The following LRRC53 variants were observed in gnomAD, a reference collection of about 807,000 sequenced individuals.
LRRC53 encodes leucine-rich repeat-containing protein 53.
LRRC53 carries 25 observed loss-of-function variants against 13.6 expected under a neutral mutation model. The ratio of observed to expected loss-of-function variants is 1.83; its 90% CI spans 1.34 to 2.56. The LOEUF is 2.56. LRRC53 is among the 30% of genes most tolerant of loss of function. LRRC53 has a pLI of 0.00. For synonymous variants in LRRC53, 204 were observed against 109.8 expected (o/e 1.86, Z -5.37); for missense variants, 527 against 275.8 (o/e 1.91, Z -6.45).
chr1:74,476,129 C>T (rs577801909), intron 3 of LRRC53, among the ~76,000 whole-genome samples: 3 of 152,234 alleles, frequency 2.0e-5, no homozygotes, highest in East Asian at 1.9e-4. Flanking sequence ...ATTATTTTTT[C>T]GGTCTACGTC....
At chr1:74,498,465 T>G (rs1356530148) in intron 1 of LRRC53, among the ~76,000 whole-genome samples, 1 of 152,196 alleles carries the variant, frequency 6.6e-6, no homozygotes, top group Non-Finnish European at 1.5e-5. Context: ...AAACAGAAAT[T>G]CTCTTCTTTT....
In LRRC53 at chr1:74,480,803, G is replaced by A; in HGVS notation, c.254C>T (p.Thr85Ile). The A allele has an allele frequency of 1.4e-6, 1 of 717,576 alleles. No individual in the cohort carries two copies. The highest frequency in any genetic ancestry group is 1.5e-5 in the South Asian group (1 of 67,596). 44.5% of individuals were successfully genotyped at this position (717,576 alleles called of 1,614,324 possible). A position where few individuals can be genotyped will look rare whatever the true frequency, so the allele number is the denominator to read the frequency against. Reference sequence around the variant, plus strand: ...TATTTGGTTGTGCTCCAGCAACAAGGTCCGCAACATCGTAAGCCCATGCAG... The same window carrying A: ...TATTTGGTTGTGCTCCAGCAACAAGATCCGCAACATCGTAAGCCCATGCAG... ...DALHGLTMLRTLLLEHNQISS... is the reference protein window; with the variant it reads ...DALHGLTMLRILLLEHNQISS... Residue 85 changes from threonine to isoleucine, a missense_variant, in exon 3 of 5, where the codon ACC becomes ATC. By Grantham distance (89) the Thr-to-Ile change is moderately conservative (BLOSUM62 -1). Transcript: ENST00000294635.
chr1:74,522,731 A>C, the LRRC53 span, among the ~76,000 whole-genome samples: 5 of 152,122 alleles, frequency 3.3e-5, no homozygotes, highest in African/African-American at 9.7e-5. Context: ...TTCTGATTGG[A>C]ATATTGATCA....
intron 1 of LRRC53, among the ~76,000 whole-genome samples, chr1:74,508,693 G>A (rs927498103): frequency 1.3e-5 from 2 of 152,184 alleles, no homozygotes; most frequent in South Asian, 2.1e-4. Context: ...CCAACCCGGG[G>A]CATATGTCTG....
rs1385122656 is a variant in LRRC53 at position 74,480,771 on chromosome 1, A to G, written c.286T>C (p.Ser96Pro). ...CTGAAGGTGTGATCAGTGAGCGAAG[A>G]GCTGGATATTTGGTTGTGCTCCAGC... is the stretch of plus-strand genomic sequence containing the variant. ...LLLEHNQISS[S>P]SLTDHTFSKL... The change falls in exon 3 of 5, where the codon TCT becomes CCT. Residue 96 changes from serine (S) to proline (P), a missense_variant. Ser to Pro is a moderately conservative substitution (Grantham distance 74, BLOSUM62 -1). Transcript: ENST00000294635. 1 of 717,446 alleles carries G rather than the reference A, an allele frequency of 1.4e-6. No homozygotes were observed. The highest frequency in any genetic ancestry group is 1.7e-5 in the African/African-American group (1 of 57,254). 44.4% of individuals were successfully genotyped at this position (717,446 alleles called of 1,614,324 possible). A position where few individuals can be genotyped will look rare whatever the true frequency, so the allele number is the denominator to read the frequency against.
At chr1:74,533,870 CAT>C in the LRRC53 span, among the ~76,000 whole-genome samples, 35 of 152,172 alleles carry the variant, frequency 2.3e-4, no homozygotes, top group Non-Finnish European at 3.8e-4. Context: ...AATGAGAAGA[CAT>C]GTGCTATTAT....
Position 74,480,830 on chromosome 1 carries a change from G to A in LRRC53, c.227C>T (p.Ala76Val), listed in dbSNP as rs764853467. The change falls in exon 3 of 5, where the codon GCC (alanine) becomes GTC (valine). Residue 76 changes from alanine (A) to valine (V), a missense_variant. Transcript: ENST00000294635. ...CCGCAACATCGTAAGCCCATGCAGG[G>A]CATCTTCCTGAACATCCTCGATACC... Reference protein sequence around the residue: ...RNGIEDVQEDALHGLTMLRTL... With the variant: ...RNGIEDVQEDVLHGLTMLRTL... 2 of 717,428 alleles carry A rather than the reference G, an allele frequency of 2.8e-6. No individual in the cohort carries two copies. Among genetic ancestry groups the A allele is most frequent in the Non-Finnish European group, 2.6e-6 (1 of 385,112 alleles). The allele number at this position is 717,428 out of a possible 1,614,324, so 44.4% of individuals were successfully genotyped here. A position where few individuals can be genotyped will look rare whatever the true frequency, so the allele number is the denominator to read the frequency against.
At chr1:74,521,554 T>TA in the LRRC53 span, among the ~76,000 whole-genome samples, 1 of 151,982 alleles carries the variant, frequency 6.6e-6, no homozygotes, top group Non-Finnish European at 1.5e-5. Flanking sequence ...ATATATGCAG[T>TA]CAAAATTAAA....
the LRRC53 span, among the ~76,000 whole-genome samples, chr1:74,534,975 C>T: frequency 1.3e-5 from 2 of 152,166 alleles, no homozygotes; most frequent in Non-Finnish European, 1.5e-5. Context: ...ACAAAAGCTA[C>T]TAACAGCACA....
the LRRC53 span, among the ~76,000 whole-genome samples, chr1:74,518,873 CCTTTTTT>C: frequency 1.0e-5 from 1 of 100,358 alleles, no homozygotes; most frequent in Non-Finnish European, 1.8e-5. Flanking sequence ...TTTTTTTTCC[CCTTTTTT>C]TTTTTTTTTT....
At chr1:74,532,616 C>T in the LRRC53 span, among the ~76,000 whole-genome samples, 1 of 151,326 alleles carries the variant, frequency 6.6e-6, no homozygotes, top group Non-Finnish European at 1.5e-5. Flanking sequence ...CTAATGCTAT[C>T]CCTCCCCCCT....
intron 1 of LRRC53, among the ~76,000 whole-genome samples, chr1:74,485,568 T>G (rs1387659230): frequency 6.6e-6 from 1 of 152,170 alleles, no homozygotes; most frequent in Non-Finnish European, 1.5e-5. Flanking sequence ...TCCTTCAGTG[T>G]GGGCAGAACC....
At chr1:74,486,756 G>A (rs1252595366) in intron 1 of LRRC53, among the ~76,000 whole-genome samples, 1 of 151,914 alleles carries the variant, frequency 6.6e-6, no homozygotes, top group Non-Finnish European at 1.5e-5. Flanking sequence ...AGATAAGGAG[G>A]AGAGATGAAA....
chr1:74,536,342 A>G, the LRRC53 span, among the ~76,000 whole-genome samples: 1 of 152,194 alleles, frequency 6.6e-6, no homozygotes, highest in Non-Finnish European at 1.5e-5. Context: ...TCCAAAATAC[A>G]GTTTACATAT....
At chr1:74,516,701 G>A (rs534011741), upstream of LRRC53, among the ~76,000 whole-genome samples, 1 of 152,216 alleles carries the variant, frequency 6.6e-6, no homozygotes, top group South Asian at 2.1e-4. Flanking sequence ...GCTTGGTTGA[G>A]GATGGCTTGT....
chr1:74,501,096 T>G (rs1350951129), intron 1 of LRRC53, among the ~76,000 whole-genome samples: 2 of 152,168 alleles, frequency 1.3e-5, no homozygotes, highest in African/African-American at 2.4e-5. Context: ...GGAATTCTAG[T>G]TGGATATTTT....
intron 4 of LRRC53, 68 bp downstream of exon 4, chr1:74,475,227 A>AG (rs1476970674): frequency 3.3e-6 from 2 of 612,548 alleles, no homozygotes; most frequent in African/African-American, 3.7e-5. Context: ...AGGAAATTAA[A>AG]GGAGGGAGGC....
chr1:74,490,183 C>G (rs187483727), intron 1 of LRRC53, among the ~76,000 whole-genome samples: 54 of 151,126 alleles, frequency 3.6e-4, no homozygotes, highest in Non-Finnish European at 6.6e-4. Context: ...CTAAAGAAAA[C>G]TTTTGTGTAA....
chr1:74,480,056 C>G, intron 3 of LRRC53, 97 bp downstream of exon 3: 1 of 621,276 alleles, frequency 1.6e-6, no homozygotes, highest in Non-Finnish European at 2.9e-6. Context: ...TTCCATAGCC[C>G]TGGCAACCAA....
Sources: gnomAD v4.1 joint callset for allele counts (sites outside exome capture counted in the v4.1 genomes callset) on GRCh38, gnomAD v4.1.1 for gene constraint, MANE v1.5 for transcripts, NCBI Gene and HGNC (gene_info 2026-07-23, HGNC 2026-07-21) for gene names.